Variants in PC observed in about 807,000 individuals in gnomAD.
The protein encoded by PC is pyruvate carboxylase, mitochondrial.
In PC, 46 loss-of-function variants were observed where a neutral mutation model predicts 107.8. The ratio of observed to expected loss-of-function variants is 0.43; its 90% CI spans 0.34 to 0.55. PC has a LOEUF of 0.55. PC is among the 20% of genes least tolerant of loss of function. The pLI, the probability that PC is intolerant of heterozygous loss-of-function variation, is 0.04. For missense variants in PC, 1,241 were observed against 1,643.1 expected (o/e 0.76, Z 4.23); for synonymous variants, 662 against 684.7 (o/e 0.97, Z 0.52).
At chr11:66,943,356 A>G (rs1306919815) in intron 3 of PC, among the ~76,000 whole-genome samples, 1 of 152,094 alleles carries the variant, frequency 6.6e-6, no homozygotes, top group East Asian at 1.9e-4. Context: ...GCCTGAAGAC[A>G]GCATGATTTG....
intron 3 of PC, among the ~76,000 whole-genome samples, chr11:66,932,869 A>G (rs1948895510): frequency 6.6e-6 from 1 of 152,136 alleles, no homozygotes; most frequent in African/African-American, 2.4e-5. Context: ...ACCAAAACCC[A>G]TTCCAAAGTC....
chr11:66,858,011 C>G lies in PC; in HGVS notation c.1369-4628G>C, dbSNP rs929018168. 3.7e-6 allele frequency: 6 copies of G among 1,612,366 alleles called. No homozygotes were observed. The highest frequency in any genetic ancestry group is 5.1e-6 in the Non-Finnish European group (6 of 1,179,956). ...GCAATGCCATCACCCGCATTGGGGC[C>G]CGCGCCTTTGGGGACCTCGAGAGCC... On this transcript the variant is annotated intron_variant, in intron 12 of 22. Coordinates refer to ENST00000393960, the MANE Select transcript of PC (RefSeq NM_001040716.2). The surrounding 1 kb of genome is among the most constrained non-coding windows in gnomAD (Gnocchi z 5.9).
intron 3 of PC, among the ~76,000 whole-genome samples, chr11:66,930,669 G>C (rs1471690203): frequency 6.6e-6 from 1 of 151,402 alleles, no homozygotes; most frequent in Non-Finnish European, 1.5e-5. Flanking sequence ...TTGAACTCGG[G>C]AGTCAGAGGT....
At position 66,863,632 on chromosome 11, in the gene PC, A is replaced by G. The variant is rs7114229; in HGVS notation, c.1368+142T>C. On this transcript the variant is annotated intron_variant, in intron 12 of 22. Coordinates refer to ENST00000393960, the MANE Select transcript of PC (RefSeq NM_001040716.2). ...TGGAGTCTGGCGTGCAGCTGCAGCC[A>G]AGGAGAGCCACTGACCTCGACCCAT... is the stretch of plus-strand genomic sequence containing the variant. 2.5e-3 allele frequency: 2,188 copies of G among 888,468 alleles called. 43 individuals are homozygous for G. The African/African-American group carries it at 0.031, about 13-fold the overall frequency. The allele number at this position is 888,468 out of a possible 1,614,324, so 55.0% of individuals were successfully genotyped here.
At position 66,872,065 on chromosome 11, in the gene PC, A is replaced by G; in HGVS notation, c.95T>C (p.Leu32Pro). The change falls in exon 4 of 23, where the codon CTG (leucine) becomes CCG (proline). Residue 32 changes from leucine (L) to proline (P), a missense_variant. Leu to Pro is a moderately conservative substitution (Grantham distance 98). This residue lies in a region of PC where 1,143 missense variants were observed against 1,551.9 expected (regional missense o/e 0.74). Transcript: ENST00000393960. ...APAASPNVRR[L>P]EYKPIKKVMV... ...GACTTTCTTGATGGGCTTATACTCCAGGCGCCGGACATTTGGGGAGGCAGC... is the reference window on the plus strand; with the variant it reads ...GACTTTCTTGATGGGCTTATACTCCGGGCGCCGGACATTTGGGGAGGCAGC... 1.9e-6 allele frequency: 3 copies of G among 1,564,670 alleles called. No individual in the cohort carries two copies. Among genetic ancestry groups the G allele is most frequent in the Non-Finnish European group, 2.6e-6 (3 of 1,154,578 alleles).
At chr11:66,923,884 CAAAAA>C (rs71045969) in intron 3 of PC, among the ~76,000 whole-genome samples, 14 of 111,018 alleles carry the variant, frequency 1.3e-4, no homozygotes, top group Admixed American at 2.0e-4. Context: ...GACCTCAAGG[CAAAAA>C]AAAAAAAAAA....
At chr11:66,892,197 G>C (rs937657835) in intron 3 of PC, among the ~76,000 whole-genome samples, 6 of 152,148 alleles carry the variant, frequency 3.9e-5, no homozygotes, top group Non-Finnish European at 5.9e-5. Flanking sequence ...CGAGGCTCGG[G>C]TGAAAGACTG....
At chr11:66,938,720 T>C (rs1192507409) in intron 3 of PC, among the ~76,000 whole-genome samples, 4 of 152,188 alleles carry the variant, frequency 2.6e-5, no homozygotes, top group Admixed American at 2.6e-4. Flanking sequence ...ATATATATTT[T>C]TTGTGTAAAG....
Position 66,858,607 on chromosome 11 carries a change from A to C in PC, c.1368+5167T>G, listed in dbSNP as rs374715016. ...CCGCCCCTCATTGCCCGCCACACGC[A>C]GCGCCTCTGGGTGCTGGAAGGCCAG... On this transcript the variant is annotated intron_variant, in intron 12 of 22. Coordinates refer to ENST00000393960, the MANE Select transcript of PC (RefSeq NM_001040716.2). The surrounding 1 kb of genome is among the most constrained non-coding windows in gnomAD (Gnocchi z 5.9). The C allele has an allele frequency of 1.9e-5, 29 of 1,535,090 alleles. No individual in the cohort carries two copies. Among genetic ancestry groups the C allele is most frequent in the Non-Finnish European group, 2.3e-5 (26 of 1,144,102 alleles).
intron 3 of PC, among the ~76,000 whole-genome samples, chr11:66,932,029 A>AAAAAAG (rs1204604679): frequency 1.2e-4 from 18 of 151,752 alleles, no homozygotes; most frequent in South Asian, 2.1e-4. Flanking sequence ...AAAAAAAAAA[A>AAAAAAG]AAAAAGAAAA....
intron 3 of PC, among the ~76,000 whole-genome samples, chr11:66,902,731 T>TCACATCA (rs2136047598): frequency 6.6e-6 from 1 of 152,330 alleles, no homozygotes; most frequent in African/African-American, 2.4e-5. Context: ...TCCAGCTGTA[T>TCACATCA]CACATCACAG....
intron 3 of PC, among the ~76,000 whole-genome samples, chr11:66,917,124 T>C (rs909731992): frequency 6.6e-6 from 1 of 151,748 alleles, no homozygotes; most frequent in Non-Finnish European, 1.5e-5. Flanking sequence ...CAGGCTGGAG[T>C]GCAGTGGCAC....
intron 3 of PC, among the ~76,000 whole-genome samples, chr11:66,886,705 C>T (rs1433244089): frequency 6.6e-6 from 1 of 152,056 alleles, no homozygotes; most frequent in African/African-American, 2.4e-5. Context: ...ACGATGGCAA[C>T]ACCAAATTAA....
chr11:66,856,366 C>T (rs1366927860), intron 12 of PC, among the ~76,000 whole-genome samples: 1 of 121,220 alleles, frequency 8.2e-6, no homozygotes, highest in Admixed American at 8.3e-5. Context: ...GCGGGGCGGG[C>T]GGGGCAGCTG....
chr11:66,852,873 G>T lies in PC; in HGVS notation c.1514-37C>A. The stretch of plus-strand genomic sequence containing the variant: ...GCGGGCAGTGGGTCAGGGTGGGCTG[G>T]GCAGAGGCTGAGTCGAGGGCAGCAG... On this transcript the variant is annotated intron_variant, in intron 13 of 22. Coordinates refer to ENST00000393960, the MANE Select transcript of PC (RefSeq NM_001040716.2). This position sits in a 1 kb window ranked among gnomAD's most constrained non-coding sequence, Gnocchi z 4.7. The T allele has an allele frequency of 6.9e-7, 1 of 1,450,710 alleles. No individual in the cohort carries two copies. The highest frequency in any genetic ancestry group is 9.5e-7 in the Non-Finnish European group (1 of 1,057,482). 89.9% of individuals were successfully genotyped at this position (1,450,710 alleles called of 1,614,324 possible). A position where few individuals can be genotyped will look rare whatever the true frequency, so the allele number is the denominator to read the frequency against.
At chr11:66,872,231 T>G in intron 3 of PC, 72 bp from the exon 4 acceptor site, 8 of 1,491,072 alleles carry the variant, frequency 5.4e-6, no homozygotes, top group African/African-American at 2.8e-5. Context: ...GTGAGGGCCC[T>G]TCCCAACCCC....
chr11:66,848,688 A>AGAT lies in PC; in HGVS notation c.*208_*210dup. On this transcript the variant is annotated 3_prime_UTR_variant, in exon 23 of 23. Coordinates refer to ENST00000393960, the MANE Select transcript of PC (RefSeq NM_001040716.2). ...GAGGAGGGGACCCTTATTTGGCAAG[A>AGAT]GATGAACATGTAAGCAGCTGTCCGC... 7 of 648,836 alleles carry AGAT rather than the reference A, an allele frequency of 1.1e-5. No homozygotes were observed. The highest frequency in any genetic ancestry group is 1.9e-5 in the Non-Finnish European group (7 of 369,886). The allele number at this position is 648,836 out of a possible 1,614,324, so 40.2% of individuals were successfully genotyped here. A position where few individuals can be genotyped will look rare whatever the true frequency, so the allele number is the denominator to read the frequency against.
chr11:66,910,588 G>C (rs181646999), intron 3 of PC, among the ~76,000 whole-genome samples: 9 of 152,258 alleles, frequency 5.9e-5, no homozygotes, highest in Non-Finnish European at 1.2e-4. Context: ...CTCACCATAC[G>C]GCCGGTGGAA....
At position 66,849,924 on chromosome 11, in the gene PC, G is replaced by A. The variant is rs1945371232; in HGVS notation, c.2898+13C>T. On this transcript the variant is annotated intron_variant, in intron 20 of 22. Transcript: ENST00000393960. ...CCAGCCCCCACCCTCACACCATGCT[G>A]GGCCTTCCCTACCTTAGAGCGAAAG... The A allele has an allele frequency of 1.2e-6, 2 of 1,613,588 alleles. No individual in the cohort carries two copies. Among genetic ancestry groups the A allele is most frequent in the Non-Finnish European group, 1.7e-6 (2 of 1,180,022 alleles).
Sources: allele counts gnomAD v4.1 joint callset (sites outside exome capture counted in the v4.1 genomes callset), GRCh38; gene constraint gnomAD v4.1.1; regional missense constraint gnomAD v4.1.1; non-coding constraint Gnocchi (gnomAD v3.1); transcripts MANE v1.5; gene names NCBI Gene and HGNC (gene_info 2026-07-23, HGNC 2026-07-21).